Variants in PHF14 observed in about 807,000 individuals in gnomAD.
PHF14 encodes PHD finger protein 14.
PHF14 carries 55 observed loss-of-function variants against 117.9 expected under a neutral mutation model. The observed-to-expected ratio is 0.47, with a 90% confidence interval of 0.38 to 0.58. The LOEUF is 0.58. PHF14 is among the 20% of genes least tolerant of loss of function. The probability of loss-of-function intolerance (pLI) is 0.00; values close to 1 mark genes in which losing one functional copy is unlikely to be tolerated. For synonymous variants in PHF14, 409 were observed against 368.6 expected (o/e 1.11, Z -1.26); for missense variants, 978 against 1,122.2 (o/e 0.87, Z 1.84).
chr7:11,103,658 TC>T, intron 16 of PHF14: 1 of 985,250 alleles, frequency 1.0e-6, no homozygotes, highest in Non-Finnish European at 1.2e-6. Context: ...GGACATCTTT[TC>T]GGGTATAGTG....
At chr7:11,129,918 G>A (rs779943875) in intron 17 of PHF14, among the ~76,000 whole-genome samples, 1 of 151,912 alleles carries the variant, frequency 6.6e-6, no homozygotes, top group Non-Finnish European at 1.5e-5. Context: ...AAAGAGATTG[G>A]CAAAAAATAC....
chr7:11,113,202 T>A (rs1486444952), intron 17 of PHF14, among the ~76,000 whole-genome samples: 1 of 152,062 alleles, frequency 6.6e-6, no homozygotes, highest in African/African-American at 2.4e-5. Flanking sequence ...ACTATAAATA[T>A]GTAGTATTAT....
At chr7:11,106,984 G>A (rs997965565) in intron 16 of PHF14, 73 of 983,204 alleles carry the variant, frequency 7.4e-5, no homozygotes, top group Non-Finnish European at 8.5e-5. Context: ...CCTTGTTCAA[G>A]TCTATGTTAT....
At chr7:10,990,182 AG>A in intron 3 of PHF14, among the ~76,000 whole-genome samples, 1 of 152,316 alleles carries the variant, frequency 6.6e-6, no homozygotes, top group South Asian at 2.1e-4. Context: ...AGAGTCCTTA[AG>A]TGTGCCATCA....
chr7:11,081,887 T>G, intron 16 of PHF14, among the ~76,000 whole-genome samples: 1 of 152,030 alleles, frequency 6.6e-6, no homozygotes, highest in East Asian at 1.9e-4. Context: ...TGATCTTAAT[T>G]TTTTATAAAT....
chr7:11,100,213 C>T (rs750397444), intron 16 of PHF14, among the ~76,000 whole-genome samples: 121 of 151,942 alleles, frequency 8.0e-4, no homozygotes, highest in Non-Finnish European at 1.2e-3. Flanking sequence ...AATAATGAAA[C>T]GAGGTGAACT....
intron 6 of PHF14, among the ~76,000 whole-genome samples, chr7:11,026,334 A>G (rs1235370316): frequency 6.6e-6 from 1 of 152,248 alleles, no homozygotes; most frequent in Non-Finnish European, 1.5e-5. Context: ...GTTATTATGC[A>G]TTTAATAGAC....
rs186218526 is a variant in PHF14 at position 11,025,719 on chromosome 7, C to T, written c.1317+2740C>T. ...CTGAGGCAGGAGAATGGCGTGAACC[C>T]GGGAGGCAGAGCTTGCAGTGAGCCG... is the stretch of plus-strand genomic sequence containing the variant. On this transcript the variant is annotated intron_variant, in intron 6 of 17. Transcript: ENST00000634607. Among the ~76,000 whole-genome samples the T allele has an allele frequency of 2.1e-3, 324 of 152,036 alleles. 1 individual carries two copies. The highest frequency in any genetic ancestry group is 7.2e-3 in the African/African-American group (299 of 41,456).
intron 17 of PHF14, among the ~76,000 whole-genome samples, chr7:11,118,717 T>TAGTC (rs1272322682): frequency 6.6e-6 from 1 of 151,864 alleles, no homozygotes; most frequent in Non-Finnish European, 1.5e-5. Flanking sequence ...GATTGTTTAT[T>TAGTC]AGTCATTCTT....
At chr7:11,023,181 A>G (rs1783792664) in intron 6 of PHF14, among the ~76,000 whole-genome samples, 1 of 152,194 alleles carries the variant, frequency 6.6e-6, no homozygotes, top group African/African-American at 2.4e-5. Context: ...AATTTAGAGT[A>G]ACGTATGAGG....
chr7:11,148,247 C>T (rs1788607392), intron 17 of PHF14, among the ~76,000 whole-genome samples: 1 of 152,302 alleles, frequency 6.6e-6, no homozygotes, highest in East Asian at 1.9e-4. Flanking sequence ...TATTTAAATT[C>T]TTAAACCCTC....
intron 16 of PHF14, among the ~76,000 whole-genome samples, chr7:11,075,845 A>C (rs1242912724): frequency 1.3e-5 from 2 of 152,134 alleles, no homozygotes; most frequent in Non-Finnish European, 2.9e-5. Context: ...AAAGTTGCAT[A>C]GCTAGGCTGG....
chr7:11,042,722 T>C lies in PHF14; in HGVS notation c.2220T>C (p.Leu740=), dbSNP rs752641016. The change falls in exon 13 of 18, where the codon CTT becomes CTC. Residue 740 remains leucine (L), a synonymous_variant. Transcript: ENST00000634607. ...AGAAGAACCATGATCAGCATCTTCT[T>C]TTATTGTGTGATACCTGTAAACTAC... ...ICKKNHDQHL[L]LLCDTCKLHY... 6.3e-7 allele frequency: 1 copy of C among 1,594,408 alleles called. No homozygotes were observed. The highest frequency in any genetic ancestry group is 8.6e-7 in the Non-Finnish European group (1 of 1,168,568).
chr7:11,160,098 T>G (rs113449540), intron 17 of PHF14, among the ~76,000 whole-genome samples: 9 of 152,142 alleles, frequency 5.9e-5, no homozygotes, highest in Non-Finnish European at 1.2e-4. Flanking sequence ...CTCCAGTGTC[T>G]ATTATTGCCA....
intron 16 of PHF14, among the ~76,000 whole-genome samples, chr7:11,072,757 G>C (rs764977461): frequency 2.6e-4 from 40 of 152,174 alleles, no homozygotes; most frequent in Non-Finnish European, 4.7e-4. Context: ...TCATAGTTCT[G>C]CAGGCTGTTC....
In PHF14 at chr7:11,002,717, T is replaced by A. The variant is rs138547644; in HGVS notation, c.1046-11030T>A. Among the ~76,000 whole-genome samples, 365 of 151,778 alleles carry A rather than the reference T, an allele frequency of 2.4e-3. 3 individuals are homozygous for A. Among genetic ancestry groups the A allele is most frequent in the African/African-American group, 8.5e-3 (352 of 41,388 alleles). ...CCTCTGCCTCCCAAAGTGCTGGGAT[T>A]ACAGACGTGAGCCACCGCGCCCGGC... On this transcript the variant is annotated intron_variant, in intron 4 of 17. Coordinates refer to ENST00000634607, the MANE Select transcript of PHF14 (RefSeq NM_001007157.2).
Position 11,051,621 on chromosome 7 carries a change from G to A in PHF14, c.2322G>A (p.Ser774=), listed in dbSNP as rs772205139. ...RKTKNSYWQC[S]ECDQAGSSDM... ...TTTCCCCTTTATGTAGGCAGTGCTC[G>A]GAATGTGACCAGGCAGGGAGCAGTG... Residue 774 remains serine (S), a synonymous_variant, in exon 14 of 18, where the codon TCG becomes TCA. Coordinates refer to ENST00000634607, the MANE Select transcript of PHF14 (RefSeq NM_001007157.2). The A allele has an allele frequency of 2.3e-5, 37 of 1,611,476 alleles. No homozygotes were observed. The highest frequency in any genetic ancestry group is 8.8e-5 in the South Asian group (8 of 90,558).
At chr7:10,995,092 A>G (rs1186426281) in intron 4 of PHF14, among the ~76,000 whole-genome samples, 3 of 152,162 alleles carry the variant, frequency 2.0e-5, no homozygotes, top group African/African-American at 7.2e-5. Context: ...CAGAGCACTG[A>G]TTGGTGCATT....
At chr7:11,120,691 A>T (rs1373064891) in intron 17 of PHF14, among the ~76,000 whole-genome samples, 2 of 152,030 alleles carry the variant, frequency 1.3e-5, no homozygotes, top group Non-Finnish European at 2.9e-5. Flanking sequence ...TACTTTTAAT[A>T]TTGATGGTAA....
Sources: gnomAD v4.1 joint callset for allele counts (sites outside exome capture counted in the v4.1 genomes callset) on GRCh38, gnomAD v4.1.1 for gene constraint, MANE v1.5 for transcripts, NCBI Gene and HGNC (gene_info 2026-07-23, HGNC 2026-07-21) for gene names.